The following IL6R variants were observed in gnomAD, a reference collection of about 807,000 sequenced individuals.
IL6R encodes interleukin-6 receptor subunit alpha.
In IL6R, 38 loss-of-function variants were observed where a neutral mutation model predicts 48.3. The ratio of observed to expected loss-of-function variants is 0.79; its 90% CI spans 0.61 to 1.03. IL6R has a LOEUF of 1.03. IL6R is among the 50% of genes least tolerant of loss of function. The pLI, the probability that IL6R is intolerant of heterozygous loss-of-function variation, is 0.00. For missense variants in IL6R, 534 were observed against 618.3 expected (o/e 0.86, Z 1.45); for synonymous variants, 264 against 256.2 (o/e 1.03, Z -0.29).
chr1:154,410,432 T>C (rs1687956127), intron 1 of IL6R, among the ~76,000 whole-genome samples: 13 of 152,150 alleles, frequency 8.5e-5, no homozygotes, highest in Admixed American at 8.5e-4. Context: ...TTTGTATTTC[T>C]TGTAGAGACA....
At chr1:154,449,669 C>T (rs1227777086) in intron 7 of IL6R, among the ~76,000 whole-genome samples, 1 of 152,186 alleles carries the variant, frequency 6.6e-6, no homozygotes, top group Non-Finnish European at 1.5e-5. Flanking sequence ...CTTCTCTGTG[C>T]AGCTTTAAGC....
chr1:154,451,575 A>G (rs902828469), intron 8 of IL6R, among the ~76,000 whole-genome samples: 8 of 152,154 alleles, frequency 5.3e-5, no homozygotes, highest in African/African-American at 1.9e-4. Flanking sequence ...GGGAACCTCC[A>G]GTCCTCTTCG....
chr1:154,422,168 C>G (rs1355726860), intron 1 of IL6R, among the ~76,000 whole-genome samples: 1 of 151,984 alleles, frequency 6.6e-6, no homozygotes, highest in Non-Finnish European at 1.5e-5. Context: ...TCTCAAACTC[C>G]CGACCTCAGG....
At chr1:154,449,052 C>T (rs1237311130) in intron 7 of IL6R, among the ~76,000 whole-genome samples, 1 of 146,822 alleles carries the variant, frequency 6.8e-6, no homozygotes, top group African/African-American at 2.5e-5. Flanking sequence ...CGCGACCGCG[C>T]CTGGCTAATT....
chr1:154,409,512 T>C (rs1030714208), intron 1 of IL6R, among the ~76,000 whole-genome samples: 3 of 152,048 alleles, frequency 2.0e-5, no homozygotes, highest in African/African-American at 7.2e-5. Flanking sequence ...TTCTAGAAAA[T>C]AGAAATAATT....
chr1:154,408,768 CAA>C (rs1474089444), intron 1 of IL6R, among the ~76,000 whole-genome samples: 1 of 152,144 alleles, frequency 6.6e-6, no homozygotes. Context: ...ACCCAGCAAG[CAA>C]AAGAGTTTCC....
intron 6 of IL6R, among the ~76,000 whole-genome samples, chr1:154,440,441 T>C (rs1358502824): frequency 6.6e-6 from 1 of 152,224 alleles, no homozygotes; most frequent in African/African-American, 2.4e-5. Flanking sequence ...TGGCATTATA[T>C]GGTAATTCTA....
intron 1 of IL6R, among the ~76,000 whole-genome samples, chr1:154,422,302 C>T (rs940472102): frequency 6.6e-6 from 1 of 152,218 alleles, no homozygotes; most frequent in African/African-American, 2.4e-5. Flanking sequence ...CTCCCTGTGG[C>T]TCCACTTATC....
At chr1:154,439,769 C>G (rs916676664) in intron 6 of IL6R, among the ~76,000 whole-genome samples, 1 of 152,240 alleles carries the variant, frequency 6.6e-6, no homozygotes, top group Non-Finnish European at 1.5e-5. Flanking sequence ...CTTCCCCCAG[C>G]TCGTGGCAAC....
chr1:154,435,037 A>G lies in IL6R; in HGVS notation c.688A>G (p.Asn230Asp), dbSNP rs761862514. The G allele has an allele frequency of 1.2e-6, 2 of 1,614,156 alleles. No individual in the cohort carries two copies. Among genetic ancestry groups the G allele is most frequent in the Non-Finnish European group, 1.7e-6 (2 of 1,180,016 alleles). Residue 230 changes from asparagine to aspartate, a missense_variant, in exon 5 of 10, where the codon AAC (asparagine) becomes GAC (aspartate). Transcript: ENST00000368485. ...CATCACAGTCACTGCCGTGGCCAGAAACCCCCGCTGGCTCAGTGTCACCTG... is the reference window on the plus strand; with the variant it reads ...CATCACAGTCACTGCCGTGGCCAGAGACCCCCGCTGGCTCAGTGTCACCTG... ...ANITVTAVARNPRWLSVTWQD... is the reference protein window; with the variant it reads ...ANITVTAVARDPRWLSVTWQD...
At position 154,465,316 on chromosome 1, in the gene IL6R, C is replaced by G. The variant is rs1291887163; in HGVS notation, c.1343C>G (p.Pro448Arg). The G allele has an allele frequency of 1.2e-6, 2 of 1,614,204 alleles. No homozygotes were observed. Among genetic ancestry groups the G allele is most frequent in the Admixed American group, 1.7e-5 (1 of 60,030 alleles). ...GSDNTSSHNR[P>R]DARDPRSPYD... Reference sequence around the variant, plus strand: ...GACAATACCTCGAGCCACAACCGACCAGATGCCAGGGACCCACGGAGCCCT... The same window carrying G: ...GACAATACCTCGAGCCACAACCGACGAGATGCCAGGGACCCACGGAGCCCT... Residue 448 changes from proline (P) to arginine (R), a missense_variant, in exon 10 of 10, where the codon CCA becomes CGA. Transcript: ENST00000368485.
chr1:154,448,039 A>T lies in IL6R; in HGVS notation c.950-86A>T. ...TGTTCTTTTAAATAACATTGAGATG[A>T]ACTTTTTTTTTCTGATGCTGAAGCC... On this transcript the variant is annotated intron_variant, in intron 6 of 9. Coordinates refer to ENST00000368485, the MANE Select transcript of IL6R (RefSeq NM_000565.4). 9 of 1,111,620 alleles carry T rather than the reference A, an allele frequency of 8.1e-6. No individual in the cohort carries two copies. In the South Asian group the frequency reaches 1.1e-4, roughly 14 times the overall value. 68.9% of individuals were successfully genotyped at this position (1,111,620 alleles called of 1,614,324 possible). A position where few individuals can be genotyped will look rare whatever the true frequency, so the allele number is the denominator to read the frequency against.
chr1:154,458,728 C>T (rs1158222253), intron 9 of IL6R, among the ~76,000 whole-genome samples: 1 of 152,116 alleles, frequency 6.6e-6, no homozygotes, highest in Non-Finnish European at 1.5e-5. Flanking sequence ...TGGAGAAACC[C>T]TGTCTCTACT....
At chr1:154,423,547 G>A (rs1483274350) in intron 1 of IL6R, among the ~76,000 whole-genome samples, 1 of 151,928 alleles carries the variant, frequency 6.6e-6, no homozygotes, top group Non-Finnish European at 1.5e-5. Flanking sequence ...GGGCGGTGCT[G>A]CCCACTCTGA....
chr1:154,419,604 C>T lies in IL6R; in HGVS notation c.86-9592C>T, dbSNP rs367885191. Among the ~76,000 whole-genome samples, 642 of 152,244 alleles carry T rather than the reference C, an allele frequency of 4.2e-3. 4 individuals are homozygous for T. Among genetic ancestry groups the T allele is most frequent in the Non-Finnish European group, 6.9e-3 (470 of 68,002 alleles). On this transcript the variant is annotated intron_variant, in intron 1 of 9. Coordinates refer to ENST00000368485, the MANE Select transcript of IL6R (RefSeq NM_000565.4). ...AGCTGGCCTGGGCAGCGGGGACCTG[C>T]GTCTCTGCTCAGAAACTGGGGTGGT...
intron 1 of IL6R, among the ~76,000 whole-genome samples, chr1:154,415,832 AGCCAGCTGTGGTG>A (rs1688309543): frequency 6.6e-6 from 1 of 152,132 alleles, no homozygotes; most frequent in Admixed American, 6.6e-5. Flanking sequence ...TACAAAAAGT[AGCCAGCTGTGGTG>A]ACAGGCACCT....
intron 4 of IL6R, 98 bp from the exon 5 acceptor site, chr1:154,434,892 G>A: frequency 7.4e-7 from 1 of 1,351,462 alleles, no homozygotes; most frequent in Non-Finnish European, 1.0e-6. Context: ...GGAGTGAACG[G>A]GGCTGGGTGG....
chr1:154,419,000 G>C (rs1359084352), intron 1 of IL6R, among the ~76,000 whole-genome samples: 2 of 152,130 alleles, frequency 1.3e-5, no homozygotes, highest in African/African-American at 4.8e-5. Flanking sequence ...GGGAGAGAGA[G>C]GGTGGTGGGG....
intron 6 of IL6R, chr1:154,444,992 C>T: frequency 2.2e-6 from 1 of 447,330 alleles, no homozygotes; most frequent in Non-Finnish European, 4.5e-6. Flanking sequence ...GCTTTTGGCA[C>T]CCAGACACTG....
Sources: gnomAD v4.1 joint callset for allele counts (sites outside exome capture counted in the v4.1 genomes callset) on GRCh38, gnomAD v4.1.1 for gene constraint, MANE v1.5 for transcripts, NCBI Gene and HGNC (gene_info 2026-07-23, HGNC 2026-07-21) for gene names.